The following TRERF1 variants were observed in gnomAD, a reference collection of about 807,000 sequenced individuals.
TRERF1 encodes the protein transcriptional-regulating factor 1.
In TRERF1, 27 loss-of-function variants were observed where a neutral mutation model predicts 122.9. That is an observed-to-expected ratio of 0.22 (90% CI 0.16 to 0.30). The LOEUF (loss-of-function observed/expected upper bound fraction) is 0.30, where lower values mean the gene tolerates loss of function less well. Among genes scored for constraint, TRERF1 ranks in the 10% least tolerant of loss-of-function variants. TRERF1 has a pLI of 1.00. For missense variants in TRERF1, 1,248 were observed against 1,560.3 expected, an observed-to-expected ratio of 0.80 and a Z score of 3.37; for synonymous variants, 636 against 641.7, an observed-to-expected ratio of 0.99 and a Z score of 0.13.
At chr6:42,381,595 C>A (rs565691125) in intron 2 of TRERF1, among the ~76,000 whole-genome samples, 1 of 152,002 alleles carries the variant, frequency 6.6e-6, no homozygotes, top group South Asian at 2.1e-4. Context: ...GGACCAAGAG[C>A]AGGGAGCCCA....
chr6:42,285,218 C>A (rs1372582691), intron 4 of TRERF1, among the ~76,000 whole-genome samples: 1 of 151,254 alleles, frequency 6.6e-6, no homozygotes, highest in Non-Finnish European at 1.5e-5. Context: ...AGTTGGATTC[C>A]TAGGTATTTT....
chr6:42,282,991 T>C (rs1782557919), intron 4 of TRERF1, among the ~76,000 whole-genome samples: 1 of 152,240 alleles, frequency 6.6e-6, no homozygotes, highest in South Asian at 2.1e-4. Flanking sequence ...GTACTACAAC[T>C]AATGCCTGAA....
At position 42,269,039 on chromosome 6, in the gene TRERF1, C is replaced by T. The variant is rs2149898441; in HGVS notation, c.552G>A (p.Leu184=). ...GGGGCTCCATGGGCTTCTGAGACAG[C>T]AGCTGGCGGAGAGCACTGTCAGGGG... is the stretch of plus-strand genomic sequence containing the variant. The change falls in exon 5 of 18, where the codon CTG becomes CTA. Residue 184 remains leucine, a synonymous_variant. Coordinates refer to ENST00000372922, the Ensembl canonical transcript of TRERF1. This position sits in a 1 kb window ranked among gnomAD's most constrained non-coding sequence, Gnocchi z 4.9. The T allele has an allele frequency of 1.2e-6, 2 of 1,614,108 alleles. No individual in the cohort carries two copies. The highest frequency in any genetic ancestry group is 1.7e-6 in the Non-Finnish European group (2 of 1,179,988).
intron 13 of TRERF1, among the ~76,000 whole-genome samples, chr6:42,250,526 G>A (rs890901778): frequency 2.0e-5 from 3 of 152,090 alleles, no homozygotes; most frequent in African/African-American, 7.2e-5. Flanking sequence ...ACAAAGTCCA[G>A]GATAAAATAC....
chr6:42,347,506 G>A (rs1428883849), intron 3 of TRERF1, among the ~76,000 whole-genome samples: 1 of 152,096 alleles, frequency 6.6e-6, no homozygotes, highest in Non-Finnish European at 1.5e-5. Context: ...CTTAATATGT[G>A]CCAAGAACTG....
chr6:42,396,280 A>G (rs769669221), intron 2 of TRERF1, among the ~76,000 whole-genome samples: 1 of 151,738 alleles, frequency 6.6e-6, no homozygotes, highest in Non-Finnish European at 1.5e-5. Flanking sequence ...AACCTCCCAG[A>G]CCTCTCCCCT....
chr6:42,280,279 G>A (rs994682455), intron 4 of TRERF1, among the ~76,000 whole-genome samples: 1 of 152,186 alleles, frequency 6.6e-6, no homozygotes, highest in Non-Finnish European at 1.5e-5. Flanking sequence ...TGGCAACTAG[G>A]GCTGGAGGCC....
chr6:42,269,164 G>A lies in TRERF1; in HGVS notation c.427C>T (p.Leu143=). The A allele has an allele frequency of 6.2e-7, 1 of 1,614,240 alleles. No individual in the cohort carries two copies. Among genetic ancestry groups the A allele is most frequent in the Non-Finnish European group, 8.5e-7 (1 of 1,180,042 alleles). ...GCAAACACCTGGGTGAAAGAGTCCA[G>A]CTTGTGTAAGACACCGCTGGTAAGC... Residue 143 remains leucine, a synonymous_variant, in exon 5 of 18, where the codon CTG becomes TTG. Transcript: ENST00000372922. The surrounding 1 kb of genome is among the most constrained non-coding windows in gnomAD (Gnocchi z 4.9).
At chr6:42,362,017 A>C (rs1771865577) in intron 3 of TRERF1, among the ~76,000 whole-genome samples, 1 of 152,184 alleles carries the variant, frequency 6.6e-6, no homozygotes, top group Admixed American at 6.5e-5. Context: ...CCATCCCGAC[A>C]GCCAGTCCCT....
At chr6:42,325,911 A>C (rs1385777153) in intron 3 of TRERF1, among the ~76,000 whole-genome samples, 4 of 152,224 alleles carry the variant, frequency 2.6e-5, no homozygotes, top group African/African-American at 9.6e-5. Flanking sequence ...GGAGGCCATT[A>C]TCTTAAGTGA....
chr6:42,280,115 C>T (rs987188403), intron 4 of TRERF1, among the ~76,000 whole-genome samples: 3 of 151,534 alleles, frequency 2.0e-5, no homozygotes, highest in African/African-American at 7.3e-5. Flanking sequence ...TAAATACCGG[C>T]GGCGACACCG....
At chr6:42,373,118 G>C (rs925954438) in intron 2 of TRERF1, among the ~76,000 whole-genome samples, 1 of 152,234 alleles carries the variant, frequency 6.6e-6, no homozygotes, top group Non-Finnish European at 1.5e-5. Context: ...TGTTATTCTT[G>C]CTACAGTCAA....
intron 17 of TRERF1, among the ~76,000 whole-genome samples, chr6:42,229,905 C>A (rs1162570025): frequency 6.6e-6 from 1 of 152,176 alleles, no homozygotes. Flanking sequence ...TCTGTTTATG[C>A]AATGTTGATG....
At chr6:42,341,376 A>G (rs904470643) in intron 3 of TRERF1, among the ~76,000 whole-genome samples, 2 of 152,246 alleles carry the variant, frequency 1.3e-5, no homozygotes, top group Non-Finnish European at 1.5e-5. Flanking sequence ...CTCAAGAATC[A>G]CATTCAACTC....
At chr6:42,244,627 C>T in intron 14 of TRERF1, among the ~76,000 whole-genome samples, 1 of 152,204 alleles carries the variant, frequency 6.6e-6, no homozygotes, top group East Asian at 1.9e-4. Context: ...TTTTTCAGAT[C>T]AGTCCTTACA....
At chr6:42,291,251 C>G (rs1784277203) in intron 4 of TRERF1, among the ~76,000 whole-genome samples, 1 of 152,128 alleles carries the variant, frequency 6.6e-6, no homozygotes, top group African/African-American at 2.4e-5. Context: ...CATTGCAGAT[C>G]TGTTCAGCAT....
At chr6:42,429,904 A>C (rs1486191200) in intron 2 of TRERF1, among the ~76,000 whole-genome samples, 3 of 152,066 alleles carry the variant, frequency 2.0e-5, no homozygotes, top group African/African-American at 7.2e-5. Context: ...CTAACTGGAG[A>C]GGTGAGGAAA....
chr6:42,432,787 G>A (rs1240426935), intron 2 of TRERF1, among the ~76,000 whole-genome samples: 1 of 149,184 alleles, frequency 6.7e-6, no homozygotes, highest in African/African-American at 2.5e-5. Flanking sequence ...AGGTTGCAGT[G>A]AGCAGAGATC....
Position 42,340,984 on chromosome 6 carries a change from G to C in TRERF1, c.-371+22013C>G, listed in dbSNP as rs61689237. ...CTCCAAGGACCCTGCCAGTTCTAAG[G>C]GGCCAAGGGCCCATCATTTCTTCCT... On this transcript the variant is annotated intron_variant, in intron 3 of 17. Coordinates refer to ENST00000372922, the Ensembl canonical transcript of TRERF1. Among the ~76,000 whole-genome samples the C allele has an allele frequency of 1.6e-4, 25 of 152,260 alleles. No homozygotes were observed. The East Asian group carries it at 3.5e-3, about 21-fold the overall frequency.
Sources: gnomAD v4.1 joint callset for allele counts (sites outside exome capture counted in the v4.1 genomes callset) on GRCh38, gnomAD v4.1.1 for gene constraint, Gnocchi (gnomAD v3.1) non-coding constraint, MANE v1.5 for transcripts, NCBI Gene and HGNC (gene_info 2026-07-23, HGNC 2026-07-21) for gene names.